PGAP1: variants seen among roughly 807,000 people sequenced by gnomAD.
The protein encoded by PGAP1 is GPI inositol-deacylase.
In PGAP1, 76 loss-of-function variants were observed where a neutral mutation model predicts 127.0. The observed-to-expected ratio is 0.60, with a 90% CI of 0.50 to 0.72. PGAP1 has a LOEUF of 0.72. Ranked by LOEUF, PGAP1 falls within the 30% of genes least tolerant of loss-of-function variation. The probability of loss-of-function intolerance (pLI) is 0.00; values close to 1 mark genes in which losing one functional copy is unlikely to be tolerated. For missense variants in PGAP1, 982 were observed against 1,071.3 expected, an observed-to-expected ratio of 0.92 and a Z score of 1.16; for synonymous variants, 362 against 366.5, an observed-to-expected ratio of 0.99 and a Z score of 0.14.
chr2:196,858,840 GC>G (rs1275363623), intron 20 of PGAP1, among the ~76,000 whole-genome samples: 1 of 152,058 alleles, frequency 6.6e-6, no homozygotes, highest in Admixed American at 6.5e-5. Context: ...GAGAGAAGAT[GC>G]AAATAAAATC....
At chr2:196,849,340 G>A (rs563501715) in intron 20 of PGAP1, among the ~76,000 whole-genome samples, 99 of 149,694 alleles carry the variant, frequency 6.6e-4, no homozygotes, top group Admixed American at 1.5e-3. Context: ...CTTGGCTCAC[G>A]GCAACCTCTG....
chr2:196,922,755 A>C (rs1239017142), intron 1 of PGAP1: 1 of 152,696 alleles, frequency 6.5e-6, no homozygotes, highest in African/African-American at 2.7e-5. Context: ...ATCTCAGCTC[A>C]CTGTAGCTTC....
rs1700278663 is a variant in PGAP1, at chr2:196,837,836, TATATAG to T, written c.*3392_*3397del. 1 of 152,158 alleles carries T rather than the reference TATATAG, an allele frequency of 6.6e-6. No homozygotes were observed. Among genetic ancestry groups the T allele is most frequent in the Non-Finnish European group, 1.5e-5 (1 of 68,020 alleles). The allele number at this position is 152,158 out of a possible 1,614,324, so 9.4% of individuals were successfully genotyped here. A position where few individuals can be genotyped will look rare whatever the true frequency, so the allele number is the denominator to read the frequency against. On this transcript the variant is annotated 3_prime_UTR_variant, in exon 27 of 27. Coordinates refer to ENST00000354764, the MANE Select transcript of PGAP1 (RefSeq NM_024989.4). ...GTTCACTCAAGAAGGGGTATTCCAT[TATATAG>T]ATCTGAATTTGTCTAGCCAAAATAT...
chr2:196,869,566 C>T (rs923299907), intron 19 of PGAP1, among the ~76,000 whole-genome samples: 5 of 152,144 alleles, frequency 3.3e-5, no homozygotes, highest in Admixed American at 1.3e-4. Context: ...GGTCTCCTGA[C>T]CTCGTGATCC....
intron 20 of PGAP1, among the ~76,000 whole-genome samples, chr2:196,848,295 T>TCC (rs1277559515): frequency 6.6e-6 from 1 of 152,102 alleles, no homozygotes; most frequent in Non-Finnish European, 1.5e-5. Context: ...TTCACAAAGC[T>TCC]CCACAAGTGA....
chr2:196,875,125 T>G (rs1280060226), intron 14 of PGAP1, among the ~76,000 whole-genome samples: 7 of 152,188 alleles, frequency 4.6e-5, no homozygotes, highest in Non-Finnish European at 1.0e-4. Flanking sequence ...AAGGAAAGAC[T>G]GAGGAACTGT....
intron 1 of PGAP1, chr2:196,922,524 C>T: frequency 2.0e-6 from 2 of 980,976 alleles, no homozygotes; most frequent in Non-Finnish European, 2.4e-6. Context: ...CTATCCTTGC[C>T]TTCGTCTCCC....
rs1559324722 is a variant in PGAP1 at position 196,840,062 on chromosome 2, A to C, written c.*1172T>G. ...ACCTTCTTCCTACTCTTGTAGCTAA[A>C]AGTGACGTAAATTCTGAAATGAAAT... On this transcript the variant is annotated 3_prime_UTR_variant, in exon 27 of 27. Transcript: ENST00000354764. 1 of 152,164 alleles carries C rather than the reference A, an allele frequency of 6.6e-6. No homozygotes were observed. Among genetic ancestry groups the C allele is most frequent in the Non-Finnish European group, 1.5e-5 (1 of 68,026 alleles). 9.4% of individuals were successfully genotyped at this position (152,164 alleles called of 1,614,324 possible).
chr2:196,922,615 CAA>C (rs1491450323), intron 1 of PGAP1: 4 of 714,188 alleles, frequency 5.6e-6, no homozygotes, highest in South Asian at 1.3e-4. Context: ...CACACACACA[CAA>C]CAAAGCTTAA....
At chr2:196,923,795 C>A (rs1040958876) in intron 1 of PGAP1, among the ~76,000 whole-genome samples, 1 of 151,994 alleles carries the variant, frequency 6.6e-6, no homozygotes, top group African/African-American at 2.4e-5. Context: ...TGAGTACCTG[C>A]GACTATAGAC....
At chr2:196,906,647 T>C (rs1702726826) in intron 4 of PGAP1, among the ~76,000 whole-genome samples, 1 of 47,594 alleles carries the variant, frequency 2.1e-5, no homozygotes, top group Non-Finnish European at 4.4e-5. Flanking sequence ...ACGATCAAAT[T>C]ACTCTGAGCT....
In PGAP1 at chr2:196,899,554, T is replaced by C. The variant is rs932664926; in HGVS notation, c.808-1185A>G. Among the ~76,000 whole-genome samples, 6 of 152,376 alleles carry C rather than the reference T, an allele frequency of 3.9e-5. 1 individual carries two copies. The highest frequency in any genetic ancestry group is 7.3e-5 in the Non-Finnish European group (5 of 68,040). ...ACAGCATTTACCATTACCAAGAATA[T>C]AATGCTGGTTTACTTTCATTCAGTT... On this transcript the variant is annotated intron_variant, in intron 5 of 26. Coordinates refer to ENST00000354764, the MANE Select transcript of PGAP1 (RefSeq NM_024989.4).
intron 10 of PGAP1, among the ~76,000 whole-genome samples, chr2:196,886,927 A>T (rs767802489): frequency 2.0e-5 from 3 of 151,760 alleles, no homozygotes; most frequent in Non-Finnish European, 4.4e-5. Context: ...CCATCTCTTG[A>T]CCTCATGATC....
chr2:196,881,237 A>G (rs1231189642), intron 12 of PGAP1, among the ~76,000 whole-genome samples: 1 of 152,178 alleles, frequency 6.6e-6, no homozygotes, highest in Non-Finnish European at 1.5e-5. Context: ...TCCATGGTGT[A>G]TATGTAATAC....
intron 7 of PGAP1, among the ~76,000 whole-genome samples, chr2:196,896,119 A>T (rs1261919730): frequency 6.6e-6 from 1 of 152,242 alleles, no homozygotes; most frequent in Admixed American, 6.5e-5. Flanking sequence ...CAGACAAGAA[A>T]GAGATAAAAG....
At chr2:196,862,930 A>C (rs114443527) in intron 20 of PGAP1, among the ~76,000 whole-genome samples, 1,536 of 152,330 alleles carry the variant, frequency 0.01, 23 homozygotes, top group African/African-American at 0.035. Flanking sequence ...AAAAGAAAAA[A>C]GACATACCAA....
rs763911058 is a variant in PGAP1 at position 196,873,722 on chromosome 2, C to T, written c.1463G>A (p.Gly488Asp). The change falls in exon 15 of 27, where the codon GGC becomes GAC. Residue 488 changes from glycine to aspartate, a missense_variant. Coordinates refer to ENST00000354764, the MANE Select transcript of PGAP1 (RefSeq NM_024989.4). ...CAGAAGCTCTAGATTGTAGTATAGG[C>T]CATTTGTATTTAACACCACTTTCCT... is the stretch of plus-strand genomic sequence containing the variant. The part of the protein sequence containing the change: ...SSRKVVLNTN[G>D]LYYNLELLNF... 2 of 1,611,696 alleles carry T rather than the reference C, an allele frequency of 1.2e-6. No individual in the cohort carries two copies. Among genetic ancestry groups the T allele is most frequent in the African/African-American group, 1.3e-5 (1 of 74,852 alleles).
At chr2:196,892,203 T>G in intron 9 of PGAP1, 143 bp downstream of exon 9, 1 of 525,596 alleles carries the variant, frequency 1.9e-6, no homozygotes, top group Non-Finnish European at 3.3e-6. Context: ...GATTACTGAC[T>G]AGATACTTAT....
rs919790998 is a variant in PGAP1 at position 196,902,525 on chromosome 2, T to C, written c.807+60A>G. ...CCATGCAGCTATATATTATTTCTTC[T>C]TTCATGCTCCACTGGGTCTATTACA... On this transcript the variant is annotated intron_variant, in intron 5 of 26. Transcript: ENST00000354764. The C allele has an allele frequency of 3.5e-6, 5 of 1,433,480 alleles. No individual in the cohort carries two copies. In the African/African-American group the frequency reaches 5.7e-5, roughly 16 times the overall value. The allele number at this position is 1,433,480 out of a possible 1,614,324, so 88.8% of individuals were successfully genotyped here. A position where few individuals can be genotyped will look rare whatever the true frequency, so the allele number is the denominator to read the frequency against.
Sources: allele counts gnomAD v4.1 joint callset (sites outside exome capture counted in the v4.1 genomes callset), GRCh38; gene constraint gnomAD v4.1.1; transcripts MANE v1.5; gene names NCBI Gene and HGNC (gene_info 2026-07-23, HGNC 2026-07-21).